Variants in CADPS2 observed in about 807,000 individuals in gnomAD.
CADPS2 encodes the protein calcium-dependent secretion activator 2.
CADPS2 carries 93 observed loss-of-function variants against 172.5 expected under a neutral mutation model. That is an observed-to-expected ratio of 0.54 (90% CI 0.46 to 0.64). CADPS2 has a LOEUF of 0.64. CADPS2 is among the 30% of genes least tolerant of loss of function. The pLI is 0.00. For synonymous variants in CADPS2, 546 were observed against 555.2 expected (o/e 0.98, Z 0.23); for missense variants, 1,420 against 1,565.9 (o/e 0.91, Z 1.57).
intron 15 of CADPS2, among the ~76,000 whole-genome samples, chr7:122,443,698 T>A (rs564641163): frequency 3.6e-4 from 49 of 136,404 alleles, no homozygotes; most frequent in Non-Finnish European, 6.7e-4. Context: ...CAGTTCCAGT[T>A]TCTGCTTTCT....
At chr7:122,601,593 T>TA (rs1245111740) in intron 6 of CADPS2, among the ~76,000 whole-genome samples, 1 of 151,974 alleles carries the variant, frequency 6.6e-6, no homozygotes, top group Non-Finnish European at 1.5e-5. Context: ...TTCTCTTCCT[T>TA]AAAAAAACAT....
chr7:122,601,348 AG>A (rs1337624567), intron 6 of CADPS2, among the ~76,000 whole-genome samples: 5 of 152,088 alleles, frequency 3.3e-5, no homozygotes, highest in African/African-American at 1.2e-4. Context: ...GACTTGCTTC[AG>A]GTAAAATTTG....
intron 9 of CADPS2, among the ~76,000 whole-genome samples, chr7:122,508,403 A>G (rs1481706916): frequency 6.6e-6 from 1 of 151,188 alleles, no homozygotes; most frequent in African/African-American, 2.4e-5. Context: ...TTGTTAAAGT[A>G]CATAAACTTA....
Position 122,615,271 on chromosome 7 carries a change from T to C in CADPS2, c.1133A>G (p.Lys378Arg), listed in dbSNP as rs750280574. ...AACAATTCGATTGGGAGCAACTGAC[T>C]TCAGGCCTTGCACTTCCATTATGAC... The part of the protein sequence containing the change: ...EIVIMEVQGL[K>R]SVAPNRIVYC... The change falls in exon 6 of 30, where the codon AAG becomes AGG. Residue 378 changes from lysine to arginine, a missense_variant. Transcript: ENST00000449022. The C allele has an allele frequency of 1.4e-5, 21 of 1,551,728 alleles. No individual in the cohort carries two copies. The highest frequency in any genetic ancestry group is 4.1e-5 in the African/African-American group (3 of 73,400).
intron 6 of CADPS2, among the ~76,000 whole-genome samples, chr7:122,600,520 T>C (rs1033859460): frequency 3.3e-5 from 5 of 152,138 alleles, no homozygotes; most frequent in African/African-American, 1.2e-4. Context: ...TCCACAAACT[T>C]GCTCTGAGCC....
At chr7:122,698,328 G>A in intron 2 of CADPS2, 1 of 1,613,990 alleles carries the variant, frequency 6.2e-7, no homozygotes, top group South Asian at 1.1e-5. Flanking sequence ...TAGCAGTTGT[G>A]ACAATCACAA....
At chr7:122,379,503 C>CATA (rs756293844) in intron 24 of CADPS2, 61 bp from the exon 25 acceptor site, 1 of 996,506 alleles carries the variant, frequency 1.0e-6, no homozygotes, top group African/African-American at 1.6e-5. Flanking sequence ...TGTCATCAGT[C>CATA]ATAAATGCTC....
At chr7:122,402,562 C>T (rs529380242) in intron 20 of CADPS2, among the ~76,000 whole-genome samples, 24 of 152,172 alleles carry the variant, frequency 1.6e-4, no homozygotes, top group East Asian at 1.2e-3. Flanking sequence ...CCAATTAGGA[C>T]GACTGAATTA....
chr7:122,851,168 C>T (rs1156743284), intron 1 of CADPS2, among the ~76,000 whole-genome samples: 1 of 152,164 alleles, frequency 6.6e-6, no homozygotes, highest in Non-Finnish European at 1.5e-5. Flanking sequence ...CAGTAGGGAA[C>T]AGGAGAAGGC....
intron 17 of CADPS2, among the ~76,000 whole-genome samples, chr7:122,423,562 C>A (rs2048790778): frequency 6.6e-6 from 1 of 152,148 alleles, no homozygotes; most frequent in Non-Finnish European, 1.5e-5. Context: ...TGTGGCACTG[C>A]CAACTAATGA....
intron 2 of CADPS2, among the ~76,000 whole-genome samples, chr7:122,679,653 T>G (rs1220267192): frequency 1.3e-5 from 2 of 152,170 alleles, no homozygotes; most frequent in African/African-American, 4.8e-5. Flanking sequence ...AACTTGCTGG[T>G]TTTACGGCTC....
At chr7:122,629,124 G>T in intron 4 of CADPS2, 124 bp downstream of exon 4, 1 of 631,784 alleles carries the variant, frequency 1.6e-6, no homozygotes, top group Non-Finnish European at 2.6e-6. Flanking sequence ...TCTATGTGTA[G>T]AGGAGAAAAT....
intron 7 of CADPS2, among the ~76,000 whole-genome samples, chr7:122,564,840 C>T (rs1259266293): frequency 1.1e-5 from 1 of 89,610 alleles, no homozygotes; most frequent in Non-Finnish European, 2.3e-5. Context: ...CACACATACA[C>T]ACACATGCAC....
intron 7 of CADPS2, among the ~76,000 whole-genome samples, chr7:122,564,021 T>G (rs1205328888): frequency 6.6e-6 from 1 of 152,098 alleles, no homozygotes; most frequent in Non-Finnish European, 1.5e-5. Flanking sequence ...GATCAACCAT[T>G]AAGTATAATA....
intron 28 of CADPS2, among the ~76,000 whole-genome samples, chr7:122,343,936 G>T (rs1298722856): frequency 1.3e-5 from 2 of 152,112 alleles, no homozygotes; most frequent in African/African-American, 4.8e-5. Context: ...TTCTACCCCT[G>T]CAGGGCATCA....
chr7:122,472,173 C>T (rs1184832689), intron 13 of CADPS2, among the ~76,000 whole-genome samples: 1 of 152,002 alleles, frequency 6.6e-6, no homozygotes, highest in Admixed American at 6.6e-5. Context: ...GCAGTTGATG[C>T]GGCTAAAACT....
chr7:122,345,918 C>CT (rs71159791), intron 27 of CADPS2, among the ~76,000 whole-genome samples: 43 of 138,734 alleles, frequency 3.1e-4, no homozygotes, highest in Non-Finnish European at 4.1e-4. Context: ...CCGTAGATAT[C>CT]TTTTTTTTTT....
intron 12 of CADPS2, among the ~76,000 whole-genome samples, chr7:122,479,580 T>C (rs1240203734): frequency 6.6e-6 from 1 of 152,236 alleles, no homozygotes; most frequent in Non-Finnish European, 1.5e-5. Flanking sequence ...TTTGGTTAAA[T>C]TGATTCAAAA....
intron 25 of CADPS2, chr7:122,366,658 TAC>T (rs2040916323): frequency 7.5e-6 from 1 of 132,944 alleles, no homozygotes; most frequent in Non-Finnish European, 1.6e-5. Context: ...TATATATACA[TAC>T]ACACATACAT....
Sources: gnomAD v4.1 joint callset for allele counts (sites outside exome capture counted in the v4.1 genomes callset) on GRCh38, gnomAD v4.1.1 for gene constraint, MANE v1.5 for transcripts, NCBI Gene and HGNC (gene_info 2026-07-23, HGNC 2026-07-21) for gene names.